Variants in AOPEP observed in about 807,000 individuals in gnomAD.
AOPEP encodes aminopeptidase O.
A neutral mutation model predicts 98.1 loss-of-function variants in AOPEP; 77 were observed. The ratio of observed to expected loss-of-function variants is 0.78; its 90% CI spans 0.65 to 0.95. The LOEUF (loss-of-function observed/expected upper bound fraction) is 0.95, where lower values mean the gene tolerates loss of function less well. Among genes scored for constraint, AOPEP ranks in the 40% least tolerant of loss-of-function variants. The probability of loss-of-function intolerance (pLI) is 0.00; values close to 1 mark genes in which losing one functional copy is unlikely to be tolerated. For synonymous variants in AOPEP, 346 were observed against 365.3 expected, an observed-to-expected ratio of 0.95 and a Z score of 0.60; for missense variants, 1,024 against 1,024.7, an observed-to-expected ratio of 1.00 and a Z score of 0.01.
chr9:94,863,393 G>A (rs928820876), intron 5 of AOPEP, among the ~76,000 whole-genome samples: 4 of 150,196 alleles, frequency 2.7e-5, no homozygotes, highest in African/African-American at 9.9e-5. Flanking sequence ...CCATTCTCCT[G>A]CCTCAGCCTC....
chr9:94,921,248 G>C (rs756133217), intron 5 of AOPEP: 1 of 152,258 alleles, frequency 6.6e-6, no homozygotes, highest in South Asian at 2.1e-4. Flanking sequence ...TTGTCAGGGG[G>C]AAGACTGATC....
intron 5 of AOPEP, among the ~76,000 whole-genome samples, chr9:94,815,536 T>TA (rs1364643362): frequency 1.3e-5 from 2 of 152,070 alleles, no homozygotes; most frequent in Middle Eastern, 3.2e-3. Flanking sequence ...AGGCCTCAGT[T>TA]ATGGCCATTA....
chr9:95,059,952 T>C (rs1247875062), intron 13 of AOPEP, among the ~76,000 whole-genome samples: 1 of 152,246 alleles, frequency 6.6e-6, no homozygotes, highest in Non-Finnish European at 1.5e-5. Context: ...GATGAAGTCT[T>C]ACACATGCTT....
intron 13 of AOPEP, among the ~76,000 whole-genome samples, chr9:95,050,837 A>G (rs1300074592): frequency 6.6e-6 from 1 of 152,262 alleles, no homozygotes; most frequent in Non-Finnish European, 1.5e-5. Context: ...TGCACAAGAA[A>G]GGACAGGAAC....
At chr9:95,055,178 G>T (rs2066715858) in intron 13 of AOPEP, among the ~76,000 whole-genome samples, 1 of 152,152 alleles carries the variant, frequency 6.6e-6, no homozygotes, top group Admixed American at 6.5e-5. Context: ...GCAGACACCT[G>T]ATATGTGTAT....
intron 9 of AOPEP, among the ~76,000 whole-genome samples, chr9:94,966,142 G>A (rs1032128330): frequency 6.3e-5 from 9 of 142,578 alleles, no homozygotes; most frequent in South Asian, 2.4e-4. Flanking sequence ...GGGAGGCTTC[G>A]GTCTGCAGTT....
In AOPEP at chr9:94,842,018, A is replaced by C. The variant is rs533176896; in HGVS notation, c.1364+41016A>C. On this transcript the variant is annotated intron_variant, in intron 5 of 16. Coordinates refer to ENST00000375315, the MANE Select transcript of AOPEP (RefSeq NM_001193329.3). Reference sequence around the variant, plus strand: ...CAATGAGCTATGGTTGTGCCGCTGAACTCCAGCTTGGGTGACAGAGCAAGA... The same window carrying C: ...CAATGAGCTATGGTTGTGCCGCTGACCTCCAGCTTGGGTGACAGAGCAAGA... 2.6e-4 allele frequency among the ~76,000 whole-genome samples: 39 copies of C among 151,928 alleles called. No individual in the cohort carries two copies. In the East Asian group the frequency reaches 7.2e-3, roughly 28 times the overall value.
chr9:95,029,991 C>T (rs1410791543), intron 13 of AOPEP, among the ~76,000 whole-genome samples: 1 of 152,188 alleles, frequency 6.6e-6, no homozygotes, highest in East Asian at 1.9e-4. Context: ...CTGGTCTCTG[C>T]ATAAAGTAAC....
At chr9:94,944,642 G>T (rs1344321183) in intron 7 of AOPEP, among the ~76,000 whole-genome samples, 1 of 152,156 alleles carries the variant, frequency 6.6e-6, no homozygotes, top group African/African-American at 2.4e-5. Flanking sequence ...ATGGCTCACT[G>T]CAGCCTTAAC....
At chr9:94,834,318 G>T (rs1332919240) in intron 5 of AOPEP, among the ~76,000 whole-genome samples, 1 of 152,168 alleles carries the variant, frequency 6.6e-6, no homozygotes, top group East Asian at 1.9e-4. Context: ...GAAATTTAGA[G>T]AAATACCAAC....
intron 3 of AOPEP, among the ~76,000 whole-genome samples, chr9:94,783,922 G>A (rs1304838141): frequency 1.3e-5 from 2 of 152,166 alleles, no homozygotes; most frequent in East Asian, 3.8e-4. Flanking sequence ...TAGCAAAGTA[G>A]CAGGGGCTAC....
At chr9:95,048,464 G>T (rs935850431) in intron 13 of AOPEP, among the ~76,000 whole-genome samples, 3 of 151,584 alleles carry the variant, frequency 2.0e-5, no homozygotes, top group Non-Finnish European at 4.4e-5. Context: ...GGCCTGGGGC[G>T]CAGGGGCGGG....
chr9:94,955,218 C>T lies in AOPEP; in HGVS notation c.1703C>T (p.Ala568Val), dbSNP rs113762582. 2 of 1,613,568 alleles carry T rather than the reference C, an allele frequency of 1.2e-6. No individual in the cohort carries two copies. Among genetic ancestry groups the T allele is most frequent in the Admixed American group, 1.7e-5 (1 of 59,850 alleles). Reference protein sequence around the residue: ...DKTGHTSDSGASVIKHGLNPE... With the variant: ...DKTGHTSDSGVSVIKHGLNPE... ...ACTGGCCACACAAGTGACTCGGGAG[C>T]ATCTGTTATCAAGCATGGACTTAAT... Residue 568 changes from alanine to valine, a missense_variant, in exon 8 of 17, where the codon GCA becomes GTA. Ala to Val is a moderately conservative substitution (Grantham distance 64). Coordinates refer to ENST00000375315, the MANE Select transcript of AOPEP (RefSeq NM_001193329.3).
intron 5 of AOPEP, among the ~76,000 whole-genome samples, chr9:94,913,759 GAATTCATTCGTTT>G (rs1216690533): frequency 4.6e-5 from 7 of 152,202 alleles, no homozygotes; most frequent in African/African-American, 1.7e-4. Flanking sequence ...AACAATCAGT[GAATTCATTCGTTT>G]AATTCATGAA....
chr9:94,996,938 C>T (rs2132488579), intron 11 of AOPEP, among the ~76,000 whole-genome samples: 1 of 152,306 alleles, frequency 6.6e-6, no homozygotes, highest in Non-Finnish European at 1.5e-5. Context: ...TCCCCTAATT[C>T]TAGCCAGCAA....
chr9:94,827,414 A>G (rs957524136), intron 5 of AOPEP, among the ~76,000 whole-genome samples: 1 of 152,166 alleles, frequency 6.6e-6, no homozygotes, highest in Non-Finnish European at 1.5e-5. Context: ...CACTGAAGCC[A>G]CCAGATAGTT....
chr9:94,934,207 T>G (rs2055865313), intron 7 of AOPEP, among the ~76,000 whole-genome samples: 1 of 151,806 alleles, frequency 6.6e-6, no homozygotes. Flanking sequence ...GAGGCCCTCC[T>G]CCACCAGGAC....
intron 14 of AOPEP, among the ~76,000 whole-genome samples, chr9:95,068,535 T>C (rs1484719296): frequency 2.0e-5 from 3 of 152,266 alleles, no homozygotes; most frequent in African/African-American, 7.2e-5. Context: ...TACTGAGTTA[T>C]AATAGTTCTT....
intron 13 of AOPEP, among the ~76,000 whole-genome samples, chr9:95,059,661 A>G (rs1396331413): frequency 1.3e-5 from 2 of 152,190 alleles, no homozygotes; most frequent in Non-Finnish European, 2.9e-5. Flanking sequence ...AGTGGCAGTT[A>G]AAATCCAGGT....
Sources: gnomAD v4.1 joint callset for allele counts (sites outside exome capture counted in the v4.1 genomes callset) on GRCh38, gnomAD v4.1.1 for gene constraint, MANE v1.5 for transcripts, NCBI Gene and HGNC (gene_info 2026-07-23, HGNC 2026-07-21) for gene names.